NSUN3: variants seen among roughly 807,000 people sequenced by gnomAD.
NSUN3 encodes the protein NOP2/Sun RNA methyltransferase 3.
Under a neutral mutation model 36.8 loss-of-function variants are expected in NSUN3, and 24 were observed. The observed-to-expected ratio is 0.65, with a 90% CI of 0.47 to 0.92. The LOEUF (loss-of-function observed/expected upper bound fraction) is 0.92, where lower values mean the gene tolerates loss of function less well. Among genes scored for constraint, NSUN3 ranks in the 40% least tolerant of loss-of-function variants. The pLI, the probability that NSUN3 is intolerant of heterozygous loss-of-function variation, is 0.00. For missense variants in NSUN3, 381 were observed against 392.8 expected (o/e 0.97, Z 0.25); for synonymous variants, 146 against 145.2 (o/e 1.01, Z -0.04).
intron 3 of NSUN3, 64 bp from the exon 4 acceptor site, chr3:94,094,076 T>C: frequency 8.1e-7 from 1 of 1,234,840 alleles, no homozygotes; most frequent in Non-Finnish European, 1.1e-6. Context: ...ATTTATTTGC[T>C]GAAAAGTAGA....
chr3:94,080,902 T>C (rs1470214505), intron 2 of NSUN3, among the ~76,000 whole-genome samples: 1 of 152,090 alleles, frequency 6.6e-6, no homozygotes, highest in Non-Finnish European at 1.5e-5. Flanking sequence ...AGCACCCCTT[T>C]CCAGGGGAGT....
intron 2 of NSUN3, among the ~76,000 whole-genome samples, chr3:94,082,616 G>A (rs2077274254): frequency 6.6e-6 from 1 of 152,158 alleles, no homozygotes; most frequent in Non-Finnish European, 1.5e-5. Flanking sequence ...TCCAGGGTGT[G>A]TAGCAGCTGG....
chr3:94,084,024 C>G (rs2077281811), intron 2 of NSUN3, 83 bp from the exon 3 acceptor site: 1 of 984,678 alleles, frequency 1.0e-6, no homozygotes, highest in Non-Finnish European at 1.5e-6. Flanking sequence ...AAACTAGGAC[C>G]ACATTCACCT....
intron 3 of NSUN3, among the ~76,000 whole-genome samples, chr3:94,090,623 T>C (rs1213185159): frequency 6.6e-6 from 1 of 152,092 alleles, no homozygotes; most frequent in African/African-American, 2.4e-5. Flanking sequence ...ACAGACTGGG[T>C]ACCCTAACCA....
intron 2 of NSUN3, among the ~76,000 whole-genome samples, chr3:94,067,399 G>A (rs1320924211): frequency 6.6e-6 from 1 of 152,168 alleles, no homozygotes; most frequent in Non-Finnish European, 1.5e-5. Flanking sequence ...ACAGCTTTCA[G>A]TGAGTTCGGT....
At chr3:94,067,514 C>A (rs1011832590) in intron 2 of NSUN3, among the ~76,000 whole-genome samples, 2 of 152,170 alleles carry the variant, frequency 1.3e-5, no homozygotes, top group Admixed American at 1.3e-4. Context: ...TACCCTGCCC[C>A]CTTTTAATTT....
At chr3:94,113,881 A>C (rs1377311833) in intron 5 of NSUN3, among the ~76,000 whole-genome samples, 1 of 152,192 alleles carries the variant, frequency 6.6e-6, no homozygotes, top group African/African-American at 2.4e-5. Flanking sequence ...CATTGAGTCT[A>C]ATATGTTAAA....
At position 94,114,503 on chromosome 3, in the gene NSUN3, T is replaced by C. The variant is rs75436362; in HGVS notation, c.744-11708T>C. 4.3e-3 allele frequency among the ~76,000 whole-genome samples: 659 copies of C among 152,366 alleles called. 18 individuals are homozygous for C. The East Asian group carries it at 0.053, about 12-fold the overall frequency. On this transcript the variant is annotated intron_variant, in intron 5 of 5. Coordinates refer to ENST00000314622, the MANE Select transcript of NSUN3 (RefSeq NM_022072.5). ...TATTAATTAAGCTGATCACATGTCC[T>C]ACACTCAGTTAACATAGGAGTGAGC...
chr3:94,080,394 C>A (rs920483020), intron 2 of NSUN3, among the ~76,000 whole-genome samples: 2 of 152,114 alleles, frequency 1.3e-5, no homozygotes, highest in Non-Finnish European at 2.9e-5. Context: ...GGTCAGATAC[C>A]CACTTGAGGA....
chr3:94,092,818 G>T (rs2077321044), intron 3 of NSUN3, among the ~76,000 whole-genome samples: 1 of 149,406 alleles, frequency 6.7e-6, no homozygotes, highest in African/African-American at 2.5e-5. Context: ...TACTTGGGAG[G>T]CTGAGGCAGG....
intron 5 of NSUN3, among the ~76,000 whole-genome samples, chr3:94,110,528 T>C (rs1287381584): frequency 6.6e-6 from 1 of 152,080 alleles, no homozygotes; most frequent in Non-Finnish European, 1.5e-5. Context: ...ATCCCTCAGA[T>C]CTTTCCTGAG....
In NSUN3 at chr3:94,126,406, C is replaced by T. The variant is rs1343006124; in HGVS notation, c.939C>T (p.Leu313=). 6.2e-6 allele frequency: 10 copies of T among 1,613,978 alleles called. No individual in the cohort carries two copies. Among genetic ancestry groups the T allele is most frequent in the Non-Finnish European group, 8.5e-6 (10 of 1,180,010 alleles). The stretch of plus-strand genomic sequence containing the variant: ...CTCCCACTGGCCAGGAATGTGGGCT[C>T]TTAGTGATTCCAGATAAGGGCAAAG... ...TFAPTGQECG[L]LVIPDKGKAW... Residue 313 remains leucine, a synonymous_variant, in exon 6 of 6, where the codon CTC becomes CTT. Transcript: ENST00000314622.
intron 2 of NSUN3, among the ~76,000 whole-genome samples, chr3:94,072,488 T>C (rs1191506146): frequency 6.6e-6 from 1 of 152,114 alleles, no homozygotes; most frequent in Non-Finnish European, 1.5e-5. Flanking sequence ...AATAATGATA[T>C]CAGAGTATGG....
intron 2 of NSUN3, among the ~76,000 whole-genome samples, chr3:94,067,840 T>C (rs1344318369): frequency 2.0e-5 from 3 of 151,974 alleles, no homozygotes; most frequent in African/African-American, 7.3e-5. Flanking sequence ...TGAAGAGCCT[T>C]GAGAGTTTGT....
Position 94,064,524 on chromosome 3 carries a change from G to C in NSUN3, c.100G>C (p.Gly34Arg), listed in dbSNP as rs766560223. 2 of 1,602,942 alleles carry C rather than the reference G, an allele frequency of 1.2e-6. No homozygotes were observed. The highest frequency in any genetic ancestry group is 1.1e-5 in the South Asian group (1 of 90,844). The change falls in exon 2 of 6, where the codon GGA (glycine) becomes CGA (arginine). Residue 34 changes from glycine to arginine, a missense_variant. Transcript: ENST00000314622. ...HFEKQYSKEL[G>R]DAWNTVREIL... is the part of the protein sequence containing the mutation. Reference sequence around the variant, plus strand: ...TGAAAAACAGTATTCCAAAGAACTCGGAGATGCCTGGAATACAGTAAGGTT... The same window carrying C: ...TGAAAAACAGTATTCCAAAGAACTCCGAGATGCCTGGAATACAGTAAGGTT...
At chr3:94,075,392 A>G (rs965279510) in intron 2 of NSUN3, among the ~76,000 whole-genome samples, 1 of 152,154 alleles carries the variant, frequency 6.6e-6, no homozygotes, top group African/African-American at 2.4e-5. Context: ...ACAAACCAAG[A>G]AGAAACTGGT....
intron 1 of NSUN3, chr3:94,063,784 AT>A (rs765135571): frequency 6.3e-3 from 887 of 141,794 alleles, no homozygotes; most frequent in Middle Eastern, 0.011. Flanking sequence ...CGCCTGGCTA[AT>A]TTTTTTTTTT....
chr3:94,106,217 G>A (rs1328806069), intron 5 of NSUN3, among the ~76,000 whole-genome samples: 1 of 151,952 alleles, frequency 6.6e-6, no homozygotes, highest in Non-Finnish European at 1.5e-5. Flanking sequence ...AAGAAATATT[G>A]AATATAAATA....
intron 5 of NSUN3, among the ~76,000 whole-genome samples, chr3:94,125,192 TTC>T (rs941159132): frequency 9.2e-5 from 14 of 152,224 alleles, no homozygotes; most frequent in African/African-American, 3.1e-4. Context: ...TCCCTGAATT[TTC>T]TGTTTCTTCC....
Sources: allele counts gnomAD v4.1 joint callset (sites outside exome capture counted in the v4.1 genomes callset), GRCh38; gene constraint gnomAD v4.1.1; transcripts MANE v1.5; gene names NCBI Gene and HGNC (gene_info 2026-07-23, HGNC 2026-07-21).